Variants in KCTD8 observed in about 807,000 individuals in gnomAD.
The protein encoded by KCTD8 is potassium channel tetramerization domain containing 8, also known as BTB/POZ domain-containing protein KCTD8.
A neutral mutation model predicts 31.5 loss-of-function variants in KCTD8; 27 were observed. The ratio of observed to expected loss-of-function variants is 0.86; its 90% CI spans 0.63 to 1.18. The LOEUF (loss-of-function observed/expected upper bound fraction) is 1.18. Among genes scored for constraint, KCTD8 ranks in the 50% most tolerant of loss-of-function variants. KCTD8 has a pLI of 0.00. For missense variants in KCTD8, 658 were observed against 647.7 expected (o/e 1.02, Z -0.17); for synonymous variants, 290 against 280.0 (o/e 1.04, Z -0.36).
At chr4:44,344,002 G>A (rs1718973479) in intron 1 of KCTD8, among the ~76,000 whole-genome samples, 1 of 151,214 alleles carries the variant, frequency 6.6e-6, no homozygotes, top group South Asian at 2.1e-4. Context: ...GGGACTACAG[G>A]CACACACCAC....
At chr4:44,391,038 G>A (rs997065464) in intron 1 of KCTD8, among the ~76,000 whole-genome samples, 2 of 151,928 alleles carry the variant, frequency 1.3e-5, no homozygotes, top group Non-Finnish European at 2.9e-5. Context: ...CAACCTGGCT[G>A]GAACTAGAAA....
chr4:44,264,579 G>A (rs943172904), intron 1 of KCTD8, among the ~76,000 whole-genome samples: 5 of 152,314 alleles, frequency 3.3e-5, no homozygotes, highest in Admixed American at 1.3e-4. Flanking sequence ...GAAGCAAGGC[G>A]AGGCATTGCC....
chr4:44,335,219 T>C (rs1718693744), intron 1 of KCTD8, among the ~76,000 whole-genome samples: 1 of 152,084 alleles, frequency 6.6e-6, no homozygotes. Context: ...TAATTTTAAG[T>C]GAAATACTTA....
chr4:44,182,603 A>C (rs975706917), intron 1 of KCTD8, among the ~76,000 whole-genome samples: 1 of 152,056 alleles, frequency 6.6e-6, no homozygotes, highest in Non-Finnish European at 1.5e-5. Flanking sequence ...GCTCGTTAAG[A>C]GTCATCAGCA....
At chr4:44,362,408 T>C (rs1013201316) in intron 1 of KCTD8, among the ~76,000 whole-genome samples, 3 of 152,150 alleles carry the variant, frequency 2.0e-5, no homozygotes, top group African/African-American at 7.2e-5. Flanking sequence ...AAATGAAGCA[T>C]GTGTTTAAAA....
intron 1 of KCTD8, among the ~76,000 whole-genome samples, chr4:44,208,225 G>A (rs1202293259): frequency 6.6e-6 from 1 of 152,144 alleles, no homozygotes; most frequent in Non-Finnish European, 1.5e-5. Context: ...TAATTGCAAT[G>A]TGTTTAACGA....
At chr4:44,349,375 G>C (rs916004202) in intron 1 of KCTD8, among the ~76,000 whole-genome samples, 2 of 152,158 alleles carry the variant, frequency 1.3e-5, no homozygotes, top group African/African-American at 4.8e-5. Context: ...TCACAATAAA[G>C]ACAAAGCCTC....
chr4:44,276,535 G>A (rs1716755486), intron 1 of KCTD8, among the ~76,000 whole-genome samples: 1 of 151,888 alleles, frequency 6.6e-6, no homozygotes, highest in South Asian at 2.1e-4. Flanking sequence ...AGTCTAAACA[G>A]TAGATTCCAA....
intron 1 of KCTD8, among the ~76,000 whole-genome samples, chr4:44,269,141 T>C (rs1028274217): frequency 1.3e-5 from 2 of 152,122 alleles, no homozygotes; most frequent in African/African-American, 2.4e-5. Context: ...CTTCAAACTA[T>C]ACTACAAGGC....
At position 44,448,612 on chromosome 4, in the gene KCTD8, G is replaced by A; in HGVS notation, c.-89C>T. ...CCCCAGCCCTCCGCGTGCTCCTGGC[G>A]CTCTGCGCCCTCGGACTGGGCGGCG... On this transcript the variant is annotated 5_prime_UTR_variant, in exon 1 of 2. Transcript: ENST00000360029. This position sits in a 1 kb window ranked among gnomAD's most constrained non-coding sequence, Gnocchi z 4.1. 1 of 1,305,080 alleles carries A rather than the reference G, an allele frequency of 7.7e-7. No individual in the cohort carries two copies. The highest frequency in any genetic ancestry group is 9.8e-7 in the Non-Finnish European group (1 of 1,022,524). The allele number at this position is 1,305,080 out of a possible 1,614,324, so 80.8% of individuals were successfully genotyped here.
chr4:44,331,758 TAG>T (rs201036212), intron 1 of KCTD8, among the ~76,000 whole-genome samples: 1,682 of 149,416 alleles, frequency 0.011, 36 homozygotes, highest in African/African-American at 0.039. Context: ...TACAGCTTTA[TAG>T]AGAGAGTGAA....
chr4:44,253,024 T>A (rs1422332251), intron 1 of KCTD8, among the ~76,000 whole-genome samples: 1 of 151,780 alleles, frequency 6.6e-6, no homozygotes, highest in African/African-American at 2.4e-5. Flanking sequence ...TATTCAATTT[T>A]TTTTCCTGAA....
At chr4:44,335,987 A>G (rs1379682891) in intron 1 of KCTD8, among the ~76,000 whole-genome samples, 9 of 150,696 alleles carry the variant, frequency 6.0e-5, no homozygotes, top group Admixed American at 6.0e-4. Context: ...CGTCTCTACT[A>G]AAAATACAAA....
At chr4:44,202,567 A>T (rs991853832) in intron 1 of KCTD8, among the ~76,000 whole-genome samples, 1 of 152,150 alleles carries the variant, frequency 6.6e-6, no homozygotes, top group African/African-American at 2.4e-5. Context: ...TAAAAGTGGG[A>T]GCTAAACATT....
At chr4:44,279,301 A>C (rs1278197532) in intron 1 of KCTD8, among the ~76,000 whole-genome samples, 1 of 152,048 alleles carries the variant, frequency 6.6e-6, no homozygotes, top group Non-Finnish European at 1.5e-5. Flanking sequence ...AAGGTGTTGC[A>C]TATCCTGTAT....
chr4:44,267,105 C>G (rs1029506262), intron 1 of KCTD8, among the ~76,000 whole-genome samples: 1 of 152,030 alleles, frequency 6.6e-6, no homozygotes, highest in African/African-American at 2.4e-5. Flanking sequence ...TTTTCAGCAC[C>G]ACACCACACC....
intron 1 of KCTD8, chr4:44,293,594 T>C (rs1717341311): frequency 2.8e-6 from 1 of 356,098 alleles, no homozygotes; most frequent in Admixed American, 4.1e-5. Flanking sequence ...TTTATTATTT[T>C]AGATGCTAGA....
At chr4:44,360,234 A>G (rs1009998148) in intron 1 of KCTD8, among the ~76,000 whole-genome samples, 1 of 152,014 alleles carries the variant, frequency 6.6e-6, no homozygotes, top group African/African-American at 2.4e-5. Flanking sequence ...TACACACACC[A>G]TCCAAATTCT....
intron 1 of KCTD8, among the ~76,000 whole-genome samples, chr4:44,188,475 C>T (rs1417841059): frequency 6.6e-6 from 1 of 152,134 alleles, no homozygotes; most frequent in Non-Finnish European, 1.5e-5. Context: ...AAATACGGCA[C>T]CTCCGTCCTA....
Sources: allele counts gnomAD v4.1 joint callset (sites outside exome capture counted in the v4.1 genomes callset), GRCh38; gene constraint gnomAD v4.1.1; non-coding constraint Gnocchi (gnomAD v3.1); transcripts MANE v1.5; gene names NCBI Gene and HGNC (gene_info 2026-07-23, HGNC 2026-07-21).